The following NEK1 variants were observed in gnomAD, a reference collection of about 807,000 sequenced individuals.
NEK1 encodes NIMA related kinase 1.
In NEK1, 137 loss-of-function variants were observed where a neutral mutation model predicts 182.1. The observed-to-expected ratio is 0.75, with a 90% confidence interval of 0.65 to 0.87. The LOEUF is 0.87. Among genes scored for constraint, NEK1 ranks in the 40% least tolerant of loss-of-function variants. NEK1 has a pLI of 0.00. For missense variants in NEK1, 1,391 were observed against 1,494.4 expected (o/e 0.93, Z 1.14); for synonymous variants, 513 against 492.2 (o/e 1.04, Z -0.56).
intron 9 of NEK1, among the ~76,000 whole-genome samples, chr4:169,585,882 G>T (rs774207056): frequency 2.6e-4 from 39 of 152,066 alleles, no homozygotes; most frequent in Non-Finnish European, 4.1e-4. Flanking sequence ...AGCAGAAAAA[G>T]AACAACCTGC....
At chr4:169,426,271 A>T (rs757147701) in intron 29 of NEK1, 37 bp from the exon 30 acceptor site, 24 of 1,534,060 alleles carry the variant, frequency 1.6e-5, no homozygotes, top group Non-Finnish European at 2.1e-5. Flanking sequence ...AAACACACAC[A>T]CTTAGTTTAC....
rs779767983 is a variant in NEK1 at position 169,424,660 on chromosome 4, C to G, written c.3115G>C (p.Glu1039Gln). The change falls in exon 31 of 36, where the codon GAA becomes CAA. Residue 1039 changes from glutamate to glutamine, a missense_variant. Coordinates refer to ENST00000507142, the MANE Select transcript of NEK1 (RefSeq NM_001199397.3). ...QVQSVQCSPE[E>Q]SFAFRSHSHL... ...GAGTGAGATCGAAATGCAAAGGATT[C>G]TTCTGGTGAACACTGAACTGATTGA... 3.1e-6 allele frequency: 5 copies of G among 1,613,766 alleles called. No homozygotes were observed. Among genetic ancestry groups the G allele is most frequent in the Middle Eastern group, 1.7e-4 (1 of 6,058 alleles).
intron 32 of NEK1, 123 bp from the exon 33 acceptor site, chr4:169,401,983 C>T: frequency 1.4e-6 from 1 of 723,872 alleles, no homozygotes; most frequent in Non-Finnish European, 2.1e-6. Context: ...CTTAAAAAAT[C>T]CTAATAGTAG....
intron 15 of NEK1, 37 bp downstream of exon 15, chr4:169,561,650 T>C: frequency 6.4e-7 from 1 of 1,574,294 alleles, no homozygotes; most frequent in Non-Finnish European, 8.6e-7. Flanking sequence ...AGTGTATTCC[T>C]TAAGAAAAAA....
At chr4:169,414,264 C>G (rs1459581293) in intron 31 of NEK1, among the ~76,000 whole-genome samples, 7 of 152,004 alleles carry the variant, frequency 4.6e-5, no homozygotes, top group Non-Finnish European at 1.0e-4. Flanking sequence ...TACAGTCATA[C>G]ATCCTACTAG....
intron 33 of NEK1, among the ~76,000 whole-genome samples, 153 bp from the exon 34 acceptor site, chr4:169,400,804 C>A (rs992579016): frequency 6.6e-6 from 1 of 151,796 alleles, no homozygotes; most frequent in Non-Finnish European, 1.5e-5. Context: ...AATATTTGTC[C>A]TTTATTTGGC....
At chr4:169,486,141 A>G (rs1262592243) in intron 23 of NEK1, among the ~76,000 whole-genome samples, 4 of 152,212 alleles carry the variant, frequency 2.6e-5, no homozygotes, top group Non-Finnish European at 5.9e-5. Flanking sequence ...CATTGACCTG[A>G]AAGTTTCATA....
chr4:169,475,723 A>G (rs1746823252), intron 26 of NEK1, among the ~76,000 whole-genome samples: 1 of 152,250 alleles, frequency 6.6e-6, no homozygotes, highest in South Asian at 2.1e-4. Flanking sequence ...TGTATTCCAT[A>G]TGATCAAAAA....
At chr4:169,449,560 C>T (rs1286945676) in intron 27 of NEK1, among the ~76,000 whole-genome samples, 1 of 152,194 alleles carries the variant, frequency 6.6e-6, no homozygotes, top group Non-Finnish European at 1.5e-5. Flanking sequence ...GGAACTCCAG[C>T]AAACTCTAAC....
chr4:169,456,329 A>G (rs760482619), intron 27 of NEK1, among the ~76,000 whole-genome samples: 57 of 152,162 alleles, frequency 3.7e-4, no homozygotes, highest in Non-Finnish European at 1.5e-4. Flanking sequence ...GAGCAAAGTA[A>G]GCCCAAAAGT....
rs1050773228 is a variant in NEK1, at chr4:169,590,821, A to T, written c.313-12T>A. The T allele has an allele frequency of 6.4e-7, 1 of 1,553,870 alleles. No homozygotes were observed. Among genetic ancestry groups the T allele is most frequent in the African/African-American group, 1.4e-5 (1 of 73,774 alleles). On this transcript the variant is annotated splice_polypyrimidine_tract_variant and intron_variant, in intron 5 of 35. Transcript: ENST00000507142. ...AACCAGTCCAAAATCTAGGAAGAAAAATCAGATCTGTCAAGCCTCTCTTTG... is the reference window on the plus strand; with the variant it reads ...AACCAGTCCAAAATCTAGGAAGAAATATCAGATCTGTCAAGCCTCTCTTTG...
chr4:169,586,852 T>C (rs1767621092), intron 9 of NEK1, among the ~76,000 whole-genome samples: 1 of 151,938 alleles, frequency 6.6e-6, no homozygotes, highest in Non-Finnish European at 1.5e-5. Context: ...ATCAAACTTT[T>C]GGGGAAGAAA....
intron 27 of NEK1, among the ~76,000 whole-genome samples, chr4:169,444,829 C>T (rs766598009): frequency 2.0e-5 from 3 of 152,132 alleles, no homozygotes; most frequent in Non-Finnish European, 2.9e-5. Flanking sequence ...CAACATTCTC[C>T]AGGACAGGCC....
At chr4:169,463,742 A>G (rs1037344132) in intron 26 of NEK1, among the ~76,000 whole-genome samples, 1 of 152,152 alleles carries the variant, frequency 6.6e-6, no homozygotes, top group Non-Finnish European at 1.5e-5. Context: ...ACTTTGAAAT[A>G]TGTGCATATA....
At chr4:169,403,881 T>A (rs749461247) in intron 32 of NEK1, among the ~76,000 whole-genome samples, 25 of 140,870 alleles carry the variant, frequency 1.8e-4, no homozygotes, top group Non-Finnish European at 3.0e-4. Context: ...CAAAAAAAAA[T>A]AATAATAATT....
At chr4:169,437,165 A>C (rs1419196060) in intron 28 of NEK1, among the ~76,000 whole-genome samples, 1 of 152,168 alleles carries the variant, frequency 6.6e-6, no homozygotes, top group Admixed American at 6.5e-5. Context: ...GTTTTCGAAA[A>C]GGTGTCCCAA....
At chr4:169,508,919 T>A (rs1306943045) in intron 19 of NEK1, 67 bp from the exon 20 acceptor site, 1 of 1,269,862 alleles carries the variant, frequency 7.9e-7, no homozygotes, top group Admixed American at 2.0e-5. Flanking sequence ...TACCAAGGAA[T>A]ATCCAGGTGC....
chr4:169,610,016 CTTT>C (rs538596187), intron 2 of NEK1, among the ~76,000 whole-genome samples: 23 of 135,310 alleles, frequency 1.7e-4, no homozygotes, highest in Non-Finnish European at 3.4e-4. Flanking sequence ...CTAAGAATTT[CTTT>C]TTTTTTTTTT....
At position 169,401,742 on chromosome 4, in the gene NEK1, C is replaced by T; in HGVS notation, c.3493G>A (p.Asp1165Asn). 1 of 1,613,964 alleles carries T rather than the reference C, an allele frequency of 6.2e-7. No homozygotes were observed. Among genetic ancestry groups the T allele is most frequent in the Non-Finnish European group, 8.5e-7 (1 of 1,179,852 alleles). The change falls in exon 33 of 36, where the codon GAT becomes AAT. Residue 1165 changes from aspartate (D) to asparagine (N), a missense_variant. Around this residue, in one of 5 missense-constraint regions of NEK1, gnomAD observed 1,216 missense variants for 1,277.6 expected, o/e 0.95. Transcript: ENST00000507142. ...GTCCCATTTGCAGTTGGCTCCACAT[C>T]ACTGTTCTTCAAGACTGACTCTTCT... ...EEEESVLKNS[D>N]VEPTANGTDV...
Sources: allele counts gnomAD v4.1 joint callset (sites outside exome capture counted in the v4.1 genomes callset), GRCh38; gene constraint gnomAD v4.1.1; regional missense constraint gnomAD v4.1.1; transcripts MANE v1.5; gene names NCBI Gene and HGNC (gene_info 2026-07-23, HGNC 2026-07-21).